C2orf80: variants seen among roughly 807,000 people sequenced by gnomAD.
The protein encoded by C2orf80 is chromosome 2 open reading frame 80, also known as uncharacterized protein C2orf80.
C2orf80 carries 28 observed loss-of-function variants against 30.2 expected under a neutral mutation model. The ratio of observed to expected loss-of-function variants is 0.93; its 90% CI spans 0.69 to 1.27. The LOEUF is 1.27. Ranked by LOEUF, C2orf80 falls within the 50% of genes most tolerant of loss-of-function variation. C2orf80 has a pLI of 0.00. For missense variants in C2orf80, 220 were observed against 231.0 expected (o/e 0.95, Z 0.31); for synonymous variants, 80 against 76.4 (o/e 1.05, Z -0.24).
At chr2:208,180,702 T>A in intron 6 of C2orf80, 43 bp downstream of exon 6, 1 of 1,417,628 alleles carries the variant, frequency 7.1e-7, no homozygotes, top group Non-Finnish European at 9.9e-7. Flanking sequence ...AAATAAATTA[T>A]CTCTAAAAAT....
chr2:208,185,964 A>T (rs1696706131), intron 2 of C2orf80, among the ~76,000 whole-genome samples: 1 of 152,194 alleles, frequency 6.6e-6, no homozygotes. Flanking sequence ...GGCCTCTAAC[A>T]TATAACACAA....
At chr2:208,176,838 C>T (rs1010463366) in intron 6 of C2orf80, among the ~76,000 whole-genome samples, 1 of 126,084 alleles carries the variant, frequency 7.9e-6, no homozygotes, top group East Asian at 2.2e-4. Context: ...CAACCTGCCT[C>T]TCAGATAATA....
intron 6 of C2orf80, among the ~76,000 whole-genome samples, chr2:208,175,389 G>T (rs1314807911): frequency 1.3e-5 from 2 of 152,114 alleles, no homozygotes; most frequent in Non-Finnish European, 2.9e-5. Context: ...TTTTCTATGA[G>T]TCCAGAATCC....
intron 7 of C2orf80, 35 bp downstream of exon 7, chr2:208,171,953 C>T (rs759006387): frequency 1.9e-6 from 3 of 1,546,504 alleles, no homozygotes; most frequent in Admixed American, 3.3e-5. Context: ...GTTTGACTTA[C>T]ATTCCTCTAA....
chr2:208,183,118 G>C (rs1250979787), intron 3 of C2orf80, 71 bp from the exon 4 acceptor site: 1 of 1,164,848 alleles, frequency 8.6e-7, no homozygotes, highest in Non-Finnish European at 1.3e-6. Flanking sequence ...TGGACCCAAT[G>C]ACAATGGGAC....
At chr2:208,176,973 A>ATCTGTATACATATGTG (rs56730997) in intron 6 of C2orf80, among the ~76,000 whole-genome samples, 2 of 92,238 alleles carry the variant, frequency 2.2e-5, no homozygotes, top group Non-Finnish European at 4.9e-5. Flanking sequence ...ATGTATACAT[A>ATCTGTATACATATGTG]TATACAGAAA....
rs771880390 is a variant in C2orf80 at position 208,184,956 on chromosome 2, C to T, written c.118G>A (p.Asp40Asn). 4 of 1,612,672 alleles carry T rather than the reference C, an allele frequency of 2.5e-6. No homozygotes were observed. Among genetic ancestry groups the T allele is most frequent in the Non-Finnish European group, 2.5e-6 (3 of 1,179,038 alleles). ...KGRRQLTFLD[D>N]MAHYDLAISV... ...ATCAGCGTGCCTTTCTTTACCATAT[C>T]ATCTAGAAAGGTGAGTTGCCGTCTT... The change falls in exon 3 of 9, where the codon GAT becomes AAT. Residue 40 changes from aspartate to asparagine, a missense_variant. Asp to Asn is a conservative substitution (Grantham distance 23). Coordinates refer to ENST00000341287, the MANE Select transcript of C2orf80 (RefSeq NM_001099334.3).
At chr2:208,178,069 C>T (rs1185167284) in intron 6 of C2orf80, among the ~76,000 whole-genome samples, 4 of 152,002 alleles carry the variant, frequency 2.6e-5, no homozygotes, top group Admixed American at 2.6e-4. Context: ...CCACCCACCT[C>T]TGCCTCCTAA....
chr2:208,171,877 G>T, intron 7 of C2orf80, 111 bp downstream of exon 7: 1 of 924,756 alleles, frequency 1.1e-6, no homozygotes, highest in Non-Finnish European at 1.8e-6. Flanking sequence ...AATTCAACCA[G>T]ACATAGAAAT....
Position 208,176,915 on chromosome 2 carries a change from A to ATATAT in C2orf80, c.366+3829_366+3830insATATA, listed in dbSNP as rs1559340212. Among the ~76,000 whole-genome samples, 354 of 139,294 alleles carry ATATAT rather than the reference A, an allele frequency of 2.5e-3. 49 individuals carry two copies. Among genetic ancestry groups the ATATAT allele is most frequent in the African/African-American group, 9.1e-3 (339 of 37,126 alleles). The allele number at this position is 139,294 out of a possible 152,430, so 91.4% of individuals were successfully genotyped here. A position where few individuals can be genotyped will look rare whatever the true frequency, so the allele number is the denominator to read the frequency against. On this transcript the variant is annotated intron_variant, in intron 6 of 8. Coordinates refer to ENST00000341287, the MANE Select transcript of C2orf80 (RefSeq NM_001099334.3). ...TATATATATACATATCTGTGTATACATATCTGTATACATATGTATACATAT... is the reference window on the plus strand; with the variant it reads ...TATATATATACATATCTGTGTATACATATATTATCTGTATACATATGTATACATAT...
At chr2:208,189,214 C>T (rs989825239) in intron 1 of C2orf80, among the ~76,000 whole-genome samples, 1 of 152,206 alleles carries the variant, frequency 6.6e-6, no homozygotes, top group East Asian at 1.9e-4. Flanking sequence ...GTGCTTTAAT[C>T]CATTCTTGTC....
chr2:208,183,669 G>A (rs779222970), intron 3 of C2orf80, among the ~76,000 whole-genome samples: 1 of 152,116 alleles, frequency 6.6e-6, no homozygotes, highest in Non-Finnish European at 1.5e-5. Flanking sequence ...GGGCTTGTGG[G>A]ATGAGAATGT....
intron 6 of C2orf80, among the ~76,000 whole-genome samples, chr2:208,177,018 CATATATACAGATAT>C (rs1696371395): frequency 2.9e-5 from 1 of 34,434 alleles, no homozygotes; most frequent in African/African-American, 1.1e-4. Context: ...TATACAGATA[CATATATACAGATAT>C]AGTACACATA....
chr2:208,180,220 C>A lies in C2orf80; in HGVS notation c.366+525G>T, dbSNP rs116197731. Among the ~76,000 whole-genome samples the A allele has an allele frequency of 1.0e-3, 155 of 152,146 alleles. 1 individual carries two copies. The highest frequency in any genetic ancestry group is 3.6e-3 in the African/African-American group (148 of 41,512). On this transcript the variant is annotated intron_variant, in intron 6 of 8. Coordinates refer to ENST00000341287, the MANE Select transcript of C2orf80 (RefSeq NM_001099334.3). ...ACTCCAGTATTTTAGGAGGCCAAGG[C>A]AAGCAGATCACTTGAGGCCAAGAGT...
chr2:208,185,181 G>A, intron 2 of C2orf80, 149 bp from the exon 3 acceptor site: 3 of 567,098 alleles, frequency 5.3e-6, no homozygotes, highest in South Asian at 2.4e-5. Flanking sequence ...ATTCGGTTTT[G>A]GTTTACACGA....
chr2:208,186,612 T>C (rs1696725717), intron 2 of C2orf80, among the ~76,000 whole-genome samples: 1 of 152,244 alleles, frequency 6.6e-6, no homozygotes, highest in Non-Finnish European at 1.5e-5. Flanking sequence ...TTATACCTTT[T>C]ACCAGCAGGG....
At chr2:208,179,415 C>A (rs1696477702) in intron 6 of C2orf80, among the ~76,000 whole-genome samples, 1 of 152,196 alleles carries the variant, frequency 6.6e-6, no homozygotes. Flanking sequence ...GTGGCCACAG[C>A]CTTGCCCCTG....
intron 1 of C2orf80, 88 bp from the exon 2 acceptor site, chr2:208,187,149 G>A: frequency 1.6e-6 from 1 of 634,230 alleles, no homozygotes; most frequent in Non-Finnish European, 2.7e-6. Context: ...GAAGGGATCT[G>A]AGGGAGCACC....
chr2:208,176,182 A>AT (rs200246081), intron 6 of C2orf80, among the ~76,000 whole-genome samples: 53 of 148,224 alleles, frequency 3.6e-4, no homozygotes, highest in South Asian at 1.1e-3. Context: ...GTCTAGAGAC[A>AT]TTTTTTTTTT....
Sources: gnomAD v4.1 joint callset for allele counts (sites outside exome capture counted in the v4.1 genomes callset) on GRCh38, gnomAD v4.1.1 for gene constraint, MANE v1.5 for transcripts, NCBI Gene and HGNC (gene_info 2026-07-23, HGNC 2026-07-21) for gene names.